The following TEDC1 variants were observed in gnomAD, a reference collection of about 807,000 sequenced individuals.
The protein encoded by TEDC1 is tubulin epsilon and delta complex protein 1.
TEDC1 carries 54 observed loss-of-function variants against 59.9 expected under a neutral mutation model. The ratio of observed to expected loss-of-function variants is 0.90; its 90% CI spans 0.72 to 1.13. TEDC1 has a LOEUF of 1.13. TEDC1 is among the 50% of genes most tolerant of loss of function. TEDC1 has a pLI of 0.00. For missense variants in TEDC1, 734 were observed against 683.4 expected (o/e 1.07, Z -0.83); for synonymous variants, 353 against 298.1 (o/e 1.18, Z -1.90).
At chr14:105,496,834 G>A (rs954612375) in intron 6 of TEDC1, 3 of 170,068 alleles carry the variant, frequency 1.8e-5, no homozygotes, top group African/African-American at 7.2e-5. Context: ...TGGGTCACTA[G>A]GCAGACTCCT....
At position 105,495,701 on chromosome 14, in the gene TEDC1, C is replaced by G. The variant is rs1314199561; in HGVS notation, c.685-179C>G. 3 of 605,486 alleles carry G rather than the reference C, an allele frequency of 5.0e-6. No individual in the cohort carries two copies. In the African/African-American group the frequency reaches 5.6e-5, roughly 11 times the overall value. 37.5% of individuals were successfully genotyped at this position (605,486 alleles called of 1,614,324 possible). On this transcript the variant is annotated intron_variant, in intron 5 of 8. Transcript: ENST00000392523. ...AAGCCCAGGCTTCTGGCCCCTGGGA[C>G]CCCTGGGTTGGGGCAGAGGAGAGGC...
At chr14:105,492,436 A>C in intron 3 of TEDC1, 127 bp downstream of exon 3, 1 of 1,484,846 alleles carries the variant, frequency 6.7e-7, no homozygotes, top group Middle Eastern at 2.4e-4. Context: ...AGGGTTACCC[A>C]GCTGCCCAGC....
At position 105,498,706 on chromosome 14, in the gene TEDC1, G is replaced by C; in HGVS notation, c.1248G>C (p.Gln416His). Residue 416 changes from glutamine (Q) to histidine (H), a missense_variant, in exon 9 of 9, where the codon CAG becomes CAC. Physicochemically the swap from Gln to His is conservative, Grantham distance 24. Transcript: ENST00000392523. ...AVEKELGALQ[Q>H]CWERDGGPAQ... is the part of the protein sequence containing the mutation. The stretch of plus-strand genomic sequence containing the variant: ...AAAAGGAGCTGGGAGCTCTACAGCA[G>C]TGCTGGGAGCGAGACGGTGGCCCGG... 6.4e-7 allele frequency: 1 copy of C among 1,553,920 alleles called. No individual in the cohort carries two copies. Among genetic ancestry groups the C allele is most frequent in the Non-Finnish European group, 8.7e-7 (1 of 1,149,122 alleles).
Position 105,497,899 on chromosome 14 carries a change from G to C in TEDC1, c.1080G>C (p.Leu360=), listed in dbSNP as rs1329065451. 1 of 1,555,374 alleles carries C rather than the reference G, an allele frequency of 6.4e-7. No individual in the cohort carries two copies. Among genetic ancestry groups the C allele is most frequent in the Non-Finnish European group, 8.7e-7 (1 of 1,149,714 alleles). The change falls in exon 8 of 9, where the codon CTG becomes CTC. Residue 360 remains leucine (L), a synonymous_variant. Transcript: ENST00000392523. ...VPERGGGELD[L]VVRELQALEE... The stretch of plus-strand genomic sequence containing the variant: ...AGCGCGGGGGTGGCGAGTTGGACCT[G>C]GTAGTGCGGGAGCTGCAGGCACTGG...
chr14:105,492,734 G>A lies in TEDC1; in HGVS notation c.585G>A (p.Lys195=). The change falls in exon 4 of 9, where the codon AAG becomes AAA. Residue 195 remains lysine (K), a splice_region_variant and synonymous_variant. Transcript: ENST00000392523. ...AGGAGCAGTGCGCCCTCCTGAGCAA[G>A]GTAGAGCTGGCACAGGGCTTCCACT... ...SQQEQCALLS[K]IHLYTRGCHS... 6.5e-7 allele frequency: 1 copy of A among 1,541,396 alleles called. No homozygotes were observed. The highest frequency in any genetic ancestry group is 8.7e-7 in the Non-Finnish European group (1 of 1,146,736).
At position 105,492,508 on chromosome 14, in the gene TEDC1, C is replaced by A. The variant is rs79585924; in HGVS notation, c.430-71C>A. On this transcript the variant is annotated intron_variant, in intron 3 of 8. Transcript: ENST00000392523. Reference sequence around the variant, plus strand: ...TTGTTTTTGGCTGTGCCTCCACTACCGTCTCCATCCTGGCCTTTTCTGGGG... The same window carrying A: ...TTGTTTTTGGCTGTGCCTCCACTACAGTCTCCATCCTGGCCTTTTCTGGGG... 5.3e-3 allele frequency: 7,930 copies of A among 1,499,496 alleles called. 355 individuals are homozygous for A. In the East Asian group the frequency reaches 0.1, roughly 19 times the overall value. The allele number at this position is 1,499,496 out of a possible 1,614,324, so 92.9% of individuals were successfully genotyped here.
chr14:105,494,371 G>C (rs968413702), intron 5 of TEDC1: 1 of 217,316 alleles, frequency 4.6e-6, no homozygotes, highest in African/African-American at 2.3e-5. Context: ...CTGACTGTGG[G>C]AGGGGACAAC....
intron 6 of TEDC1, 60 bp downstream of exon 6, chr14:105,496,146 G>GGGGGGGGGGGGGGGGGGGGGCCCCCC: frequency 3.0e-6 from 1 of 331,606 alleles, no homozygotes; most frequent in Non-Finnish European, 5.9e-6. Flanking sequence ...GGGTGGGAGG[G>GGGGGGGGGGGGGGGGGGGGGCCCCCC]GGTGGCGAGG....
At position 105,497,463 on chromosome 14, in the gene TEDC1, C is replaced by T. The variant is rs1555440677; in HGVS notation, c.978+20C>T. On this transcript the variant is annotated intron_variant, in intron 7 of 8. Transcript: ENST00000392523. Reference sequence around the variant, plus strand: ...TGGATGGTGAGGAAGCCCGCGCATCCCTCTCCCGGCATCCCTTCCCACAGC... The same window carrying T: ...TGGATGGTGAGGAAGCCCGCGCATCTCTCTCCCGGCATCCCTTCCCACAGC... The T allele has an allele frequency of 2.6e-6, 4 of 1,540,348 alleles. No homozygotes were observed. The highest frequency in any genetic ancestry group is 3.9e-5 in the Admixed American group (2 of 50,738).
intron 6 of TEDC1, chr14:105,497,015 C>T (rs2084361563): frequency 7.2e-6 from 3 of 418,340 alleles, no homozygotes; most frequent in Non-Finnish European, 1.3e-5. Flanking sequence ...CTGGACCTGT[C>T]CCTGACCTTG....
intron 6 of TEDC1, chr14:105,496,484 C>T: frequency 4.7e-6 from 1 of 210,868 alleles, no homozygotes; most frequent in South Asian, 7.7e-5. Flanking sequence ...CTGCTGGAGC[C>T]CCAGGCCCCT....
At chr14:105,492,458 A>C in intron 3 of TEDC1, 121 bp from the exon 4 acceptor site, 1 of 1,456,258 alleles carries the variant, frequency 6.9e-7, no homozygotes, top group South Asian at 1.3e-5. Flanking sequence ...GAAAGCACGG[A>C]GGCTCCCTGT....
Position 105,497,916 on chromosome 14 carries a change from A to G in TEDC1, c.1097A>G (p.Gln366Arg). Residue 366 changes from glutamine to arginine, a missense_variant, in exon 8 of 9, where the codon CAG becomes CGG. Gln to Arg is a conservative substitution (Grantham distance 43, BLOSUM62 1). Coordinates refer to ENST00000392523, the MANE Select transcript of TEDC1 (RefSeq NM_001367178.1). The stretch of plus-strand genomic sequence containing the variant: ...TTGGACCTGGTAGTGCGGGAGCTGC[A>G]GGCACTGGAGGAGGAGCTGCGGGAG... The part of the protein sequence containing the change: ...GELDLVVREL[Q>R]ALEEELREAA... The G allele has an allele frequency of 1.9e-6, 3 of 1,551,474 alleles. No homozygotes were observed. The highest frequency in any genetic ancestry group is 1.4e-5 in the African/African-American group (1 of 73,508).
chr14:105,493,478 C>T (rs1357914276), intron 4 of TEDC1, among the ~76,000 whole-genome samples: 1 of 152,168 alleles, frequency 6.6e-6, no homozygotes, highest in South Asian at 2.1e-4. Flanking sequence ...GTTCATGTCC[C>T]CACTGTGAGC....
chr14:105,490,741 C>G (rs2084187145), upstream of TEDC1: 1 of 442,382 alleles, frequency 2.3e-6, no homozygotes, highest in East Asian at 4.9e-5. Context: ...GCGGCGGGCT[C>G]TGGGCGCCTC....
chr14:105,494,326 G>T (rs1204311534), intron 5 of TEDC1: 4 of 277,612 alleles, frequency 1.4e-5, no homozygotes, highest in African/African-American at 6.8e-5. Context: ...GGTGTGGGGG[G>T]CCAGCCCACA....
chr14:105,494,239 A>T (rs2084291288), intron 5 of TEDC1: 1 of 462,346 alleles, frequency 2.2e-6, no homozygotes, highest in Non-Finnish European at 4.0e-6. Context: ...GGAATAAAGG[A>T]ACACAGATCT....
chr14:105,492,138 A>G lies in TEDC1; in HGVS notation c.258A>G (p.Leu86=), dbSNP rs755895663. 9.1e-5 allele frequency: 147 copies of G among 1,612,172 alleles called. No homozygotes were observed. The highest frequency in any genetic ancestry group is 1.1e-4 in the Non-Finnish European group (132 of 1,179,596). Residue 86 remains leucine, a synonymous_variant, in exon 3 of 9, where the codon CTA becomes CTG. Coordinates refer to ENST00000392523, the MANE Select transcript of TEDC1 (RefSeq NM_001367178.1). ...EVQARLVKSA[L]CSQGYPRLAL... is the part of the protein sequence containing the mutation. ...AAGCCCGCTTGGTGAAGTCAGCACT[A>G]TGCTCCCAGGGCTACCCGAGGCTGG...
At chr14:105,491,179 A>G, upstream of TEDC1, 1 of 1,549,696 alleles carries the variant, frequency 6.5e-7, no homozygotes, top group Non-Finnish European at 8.7e-7. Flanking sequence ...CAGCGCGGTG[A>G]TTGGGCGCAG....
Sources: allele counts gnomAD v4.1 joint callset (sites outside exome capture counted in the v4.1 genomes callset), GRCh38; gene constraint gnomAD v4.1.1; transcripts MANE v1.5; gene names NCBI Gene and HGNC (gene_info 2026-07-23, HGNC 2026-07-21).